PPP2R2B: variants seen among roughly 807,000 people sequenced by gnomAD.
PPP2R2B encodes serine/threonine-protein phosphatase 2A 55 kDa regulatory subunit B beta isoform.
A neutral mutation model predicts 46.0 loss-of-function variants in PPP2R2B; 5 were observed. The ratio of observed to expected loss-of-function variants is 0.11; its 90% CI spans 0.06 to 0.23. PPP2R2B has a LOEUF of 0.23. Ranked by LOEUF, PPP2R2B falls within the 10% of genes least tolerant of loss-of-function variation. The pLI is 1.00. For missense variants in PPP2R2B, 367 were observed against 575.0 expected, an observed-to-expected ratio of 0.64 and a Z score of 3.70; for synonymous variants, 215 against 206.7, an observed-to-expected ratio of 1.04 and a Z score of -0.34.
intron 7 of PPP2R2B, among the ~76,000 whole-genome samples, chr5:146,620,384 G>T (rs991528297): frequency 8.5e-5 from 13 of 152,164 alleles, no homozygotes; most frequent in African/African-American, 3.1e-4. Flanking sequence ...ATTCTGGAAA[G>T]ATATTGATTG....
intron 3 of PPP2R2B, among the ~76,000 whole-genome samples, chr5:146,700,334 G>A (rs1387233650): frequency 6.6e-6 from 1 of 152,040 alleles, no homozygotes; most frequent in East Asian, 1.9e-4. Flanking sequence ...ATCAAATTGG[G>A]CCATAATTCC....
chr5:146,740,596 C>G (rs1225463906), intron 2 of PPP2R2B, among the ~76,000 whole-genome samples: 1 of 146,970 alleles, frequency 6.8e-6, no homozygotes, highest in Admixed American at 6.7e-5. Flanking sequence ...CACACACACA[C>G]ACACACACAC....
intron 2 of PPP2R2B, among the ~76,000 whole-genome samples, chr5:146,865,299 C>T (rs1244486540): frequency 1.1e-5 from 1 of 89,198 alleles, no homozygotes; most frequent in Non-Finnish European, 2.1e-5. Context: ...CTCTGACACA[C>T]ACACACACAC....
In PPP2R2B at chr5:146,844,866, C is replaced by T. The variant is rs551133395; in HGVS notation, c.70+33136G>A. 9.2e-5 allele frequency among the ~76,000 whole-genome samples: 14 copies of T among 152,238 alleles called. No individual in the cohort carries two copies. The South Asian group carries it at 2.7e-3, about 29-fold the overall frequency. On this transcript the variant is annotated intron_variant, in intron 2 of 9. Coordinates refer to ENST00000394411, the MANE Select transcript of PPP2R2B (RefSeq NM_181675.4). ...CAACTTTCACTTATTGCATTTTTAC[C>T]TTTAGCCTACACAGTGACCTGAGGT...
At chr5:146,803,348 A>T (rs1208917153) in intron 2 of PPP2R2B, among the ~76,000 whole-genome samples, 1 of 152,358 alleles carries the variant, frequency 6.6e-6, no homozygotes. Context: ...GCTGGGGATT[A>T]TCAGCCACAT....
chr5:146,863,394 C>A (rs980121271), intron 2 of PPP2R2B, among the ~76,000 whole-genome samples: 3 of 152,066 alleles, frequency 2.0e-5, no homozygotes, highest in African/African-American at 7.2e-5. Context: ...TAAACTGGCA[C>A]CATTGATGAG....
chr5:146,673,843 C>A (rs1434066604), intron 5 of PPP2R2B, among the ~76,000 whole-genome samples: 1 of 152,172 alleles, frequency 6.6e-6, no homozygotes, highest in African/African-American at 2.4e-5. Context: ...CCTTTATCCA[C>A]AGAATCTCAA....
At chr5:146,812,789 G>GTATATATA (rs1223828568) in intron 2 of PPP2R2B, among the ~76,000 whole-genome samples, 20 of 6,412 alleles carry the variant, frequency 3.1e-3, no homozygotes, top group East Asian at 4.7e-3. Flanking sequence ...GTGTGTATAT[G>GTATATATA]TGTGTATATA....
At chr5:146,798,197 T>C (rs753566595) in intron 2 of PPP2R2B, among the ~76,000 whole-genome samples, 7 of 152,170 alleles carry the variant, frequency 4.6e-5, no homozygotes, top group Non-Finnish European at 1.0e-4. Flanking sequence ...GCCCTTTCCT[T>C]GTCTACTTTA....
chr5:146,675,372 A>G (rs1304355406), intron 5 of PPP2R2B, among the ~76,000 whole-genome samples: 1 of 152,056 alleles, frequency 6.6e-6, no homozygotes, highest in East Asian at 1.9e-4. Flanking sequence ...CTTTCATTCA[A>G]TCTTTGTTTT....
intron 2 of PPP2R2B, among the ~76,000 whole-genome samples, chr5:146,767,806 C>A (rs1357397608): frequency 6.6e-6 from 1 of 152,144 alleles, no homozygotes; most frequent in African/African-American, 2.4e-5. Flanking sequence ...AGGGTTTGGA[C>A]AAATGTAGCA....
intron 2 of PPP2R2B, among the ~76,000 whole-genome samples, chr5:146,836,216 C>A (rs160970): frequency 6.6e-6 from 1 of 151,950 alleles, no homozygotes; most frequent in Non-Finnish European, 1.5e-5. Context: ...TCACTGGTTA[C>A]GTTTTCCAAT....
At chr5:146,872,381 G>A (rs1475420502) in intron 2 of PPP2R2B, among the ~76,000 whole-genome samples, 1 of 152,208 alleles carries the variant, frequency 6.6e-6, no homozygotes, top group Non-Finnish European at 1.5e-5. Context: ...TCATCCATAT[G>A]CATTGGAAAC....
intron 2 of PPP2R2B, among the ~76,000 whole-genome samples, chr5:146,815,040 C>T (rs763282544): frequency 2.2e-4 from 34 of 152,162 alleles, no homozygotes; most frequent in Non-Finnish European, 4.7e-4. Context: ...AGATACGTTC[C>T]GCTGCTAACA....
chr5:146,788,341 A>G (rs1461911553), intron 2 of PPP2R2B, among the ~76,000 whole-genome samples: 1 of 142,480 alleles, frequency 7.0e-6, no homozygotes, highest in African/African-American at 2.8e-5. Flanking sequence ...TGGTTTAAAG[A>G]AAAAAAAAAA....
At position 147,077,311 on chromosome 5, in the gene PPP2R2B, CCCACA is replaced by C. The variant is rs1561616471; in HGVS notation, c.50+3743_50+3747del. Among the ~76,000 whole-genome samples, 11 of 131,786 alleles carry C rather than the reference CCCACA, an allele frequency of 8.3e-5. No homozygotes were observed. The East Asian group carries it at 9.8e-4, about 12-fold the overall frequency. 86.5% of individuals were successfully genotyped at this position (131,786 alleles called of 152,430 possible). ...ACACACACACACACACACACACACA[CCCACA>C]CCCACACCCCTAGCCCTTATAGCCA... On this transcript the variant is annotated intron_variant, in intron 2 of 10. Transcript: ENST00000394413.
intron 1 of PPP2R2B, among the ~76,000 whole-genome samples, chr5:146,971,306 T>C (rs573881340): frequency 1.4e-4 from 21 of 152,348 alleles, no homozygotes; most frequent in Non-Finnish European, 2.6e-4. Context: ...TCCAGCTACT[T>C]GTCTACCCTT....
At chr5:146,677,521 CT>C in intron 5 of PPP2R2B, among the ~76,000 whole-genome samples, 2 of 75,910 alleles carry the variant, frequency 2.6e-5, no homozygotes, top group African/African-American at 1.2e-4. Context: ...AAACTCATCC[CT>C]CCCTCCCTCC....
intron 1 of PPP2R2B, among the ~76,000 whole-genome samples, chr5:146,995,170 CAGAG>C (rs1194746685): frequency 2.1e-4 from 32 of 152,202 alleles, no homozygotes; most frequent in African/African-American, 7.7e-4. Context: ...GTCACTTCTT[CAGAG>C]AGATTTTTCT....
Sources: gnomAD v4.1 joint callset for allele counts (sites outside exome capture counted in the v4.1 genomes callset) on GRCh38, gnomAD v4.1.1 for gene constraint, MANE v1.5 for transcripts, NCBI Gene and HGNC (gene_info 2026-07-23, HGNC 2026-07-21) for gene names.